SIPA1L3: variants seen among roughly 807,000 people sequenced by gnomAD.
SIPA1L3 encodes the protein signal induced proliferation associated 1 like 3.
A neutral mutation model predicts 150.1 loss-of-function variants in SIPA1L3; 59 were observed. The ratio of observed to expected loss-of-function variants is 0.39; its 90% CI spans 0.32 to 0.49. The LOEUF is 0.49. Ranked by LOEUF, SIPA1L3 falls within the 20% of genes least tolerant of loss-of-function variation. The probability of loss-of-function intolerance (pLI) is 0.86; values close to 1 mark genes in which losing one functional copy is unlikely to be tolerated. For synonymous variants in SIPA1L3, 1,070 were observed against 1,077.6 expected, an observed-to-expected ratio of 0.99 and a Z score of 0.14; for missense variants, 2,211 against 2,489.5, an observed-to-expected ratio of 0.89 and a Z score of 2.38.
At chr19:38,070,902 C>T (rs533979521) in intron 2 of SIPA1L3, among the ~76,000 whole-genome samples, 1 of 152,330 alleles carries the variant, frequency 6.6e-6, no homozygotes, top group South Asian at 2.1e-4. Context: ...CCTCCATGGC[C>T]GTGACTAGAT....
intron 14 of SIPA1L3, among the ~76,000 whole-genome samples, chr19:38,163,218 G>A (rs754272271): frequency 8.5e-5 from 13 of 152,138 alleles, no homozygotes; most frequent in African/African-American, 2.7e-4. Flanking sequence ...GGCTGGGCGC[G>A]GTGGCTCACG....
rs899632489 is a variant in SIPA1L3, at chr19:38,101,189, G to A, written c.1992G>A (p.Lys664=). 1 of 1,601,218 alleles carries A rather than the reference G, an allele frequency of 6.2e-7. No homozygotes were observed. Among genetic ancestry groups the A allele is most frequent in the African/African-American group, 1.3e-5 (1 of 74,692 alleles). The change falls in exon 6 of 22, where the codon AAG becomes AAA. Residue 664 remains lysine (K), a synonymous_variant. Transcript: ENST00000222345. The part of the protein sequence containing the change: ...LSLIGEKVCL[K]GFTKYAAQLD... ...TCATCGGCGAGAAGGTCTGCCTGAA[G>A]GGCTTCACCAAGTACGCTGCCCAGC...
intron 12 of SIPA1L3, among the ~76,000 whole-genome samples, chr19:38,144,578 C>T (rs1050949485): frequency 6.6e-6 from 1 of 152,230 alleles, no homozygotes; most frequent in Admixed American, 6.5e-5. Flanking sequence ...AGAGTCACCA[C>T]AGTCATCCAT....
rs550220479 is a variant in SIPA1L3 at position 38,203,942 on chromosome 19, C to T, written c.5121-185C>T. ...CACCCCGTCCACATCCACAGAGGTG[C>T]CCTTGGTGGGTGGAGTGTGCCGGGT... On this transcript the variant is annotated intron_variant, in intron 20 of 21. Transcript: ENST00000222345. 140 of 588,018 alleles carry T rather than the reference C, an allele frequency of 2.4e-4. 3 individuals are homozygous for T. The South Asian group carries it at 2.8e-3, about 12-fold the overall frequency. 36.4% of individuals were successfully genotyped at this position (588,018 alleles called of 1,614,324 possible). A position where few individuals can be genotyped will look rare whatever the true frequency, so the allele number is the denominator to read the frequency against.
chr19:38,010,775 C>T (rs1599900327), intron 1 of SIPA1L3, among the ~76,000 whole-genome samples: 2 of 152,150 alleles, frequency 1.3e-5, no homozygotes, highest in African/African-American at 4.8e-5. Context: ...GATGGAGCCT[C>T]ACCTCTACTG....
intron 4 of SIPA1L3, among the ~76,000 whole-genome samples, chr19:38,097,479 G>A (rs1245924427): frequency 2.0e-5 from 3 of 152,200 alleles, no homozygotes; most frequent in African/African-American, 7.2e-5. Context: ...TGTGGGTGCT[G>A]GAAATACATT....
At chr19:38,070,967 C>A (rs1969700820) in intron 2 of SIPA1L3, among the ~76,000 whole-genome samples, 1 of 152,182 alleles carries the variant, frequency 6.6e-6, no homozygotes, top group Admixed American at 6.5e-5. Flanking sequence ...CCTGAACACC[C>A]AGGGGGTCCC....
chr19:38,141,538 C>A, intron 11 of SIPA1L3, 103 bp downstream of exon 11: 1 of 1,257,372 alleles, frequency 8.0e-7, no homozygotes, highest in Non-Finnish European at 1.1e-6. Flanking sequence ...TCTTCCTCGC[C>A]TCAAGCTTTC....
chr19:37,995,166 A>G (rs1967605419), intron 1 of SIPA1L3, among the ~76,000 whole-genome samples: 1 of 152,050 alleles, frequency 6.6e-6, no homozygotes, highest in Non-Finnish European at 1.5e-5. Flanking sequence ...TTTACATTCC[A>G]TTGGCCATAA....
intron 3 of SIPA1L3, among the ~76,000 whole-genome samples, chr19:38,087,165 T>G (rs1970152134): frequency 6.6e-6 from 1 of 152,196 alleles, no homozygotes; most frequent in Non-Finnish European, 1.5e-5. Flanking sequence ...CAAAGAATCT[T>G]TGTCAAAGCT....
At chr19:38,036,534 C>A (rs1255404943) in intron 2 of SIPA1L3, among the ~76,000 whole-genome samples, 1 of 152,200 alleles carries the variant, frequency 6.6e-6, no homozygotes, top group Non-Finnish European at 1.5e-5. Flanking sequence ...AGTGCTTGGC[C>A]CATTCCCCGC....
At chr19:37,995,210 GCTGGGGCAGCACATGT>G (rs1458477837) in intron 1 of SIPA1L3, among the ~76,000 whole-genome samples, 1 of 152,172 alleles carries the variant, frequency 6.6e-6, no homozygotes, top group Non-Finnish European at 1.5e-5. Flanking sequence ...TGCAAGGGAG[GCTGGGGCAGCACATGT>G]CTGTACCGTG....
chr19:37,990,799 G>A (rs1027830279), intron 1 of SIPA1L3, among the ~76,000 whole-genome samples: 18 of 152,244 alleles, frequency 1.2e-4, no homozygotes, highest in African/African-American at 4.3e-4. Flanking sequence ...CAGCAGACAC[G>A]CTCAGTGCCA....
chr19:38,177,123 AG>A (rs1177398923), intron 15 of SIPA1L3, among the ~76,000 whole-genome samples: 2 of 152,252 alleles, frequency 1.3e-5, no homozygotes, highest in African/African-American at 4.8e-5. Context: ...GCACTTTGGG[AG>A]GCCAAGGTGG....
chr19:38,086,772 G>A (rs1244368921), intron 3 of SIPA1L3, among the ~76,000 whole-genome samples: 1 of 152,208 alleles, frequency 6.6e-6, no homozygotes, highest in Non-Finnish European at 1.5e-5. Flanking sequence ...CCACTGCAGC[G>A]GAGTCTGGCA....
intron 1 of SIPA1L3, among the ~76,000 whole-genome samples, chr19:37,943,377 ACAGCTGTTAATT>A (rs1192284909): frequency 4.6e-5 from 7 of 151,938 alleles, no homozygotes; most frequent in Admixed American, 2.6e-4. Context: ...CACTCCAACT[ACAGCTGTTAATT>A]CATGGTATTG....
chr19:37,953,537 T>C (rs2046783136), intron 1 of SIPA1L3, among the ~76,000 whole-genome samples: 1 of 152,052 alleles, frequency 6.6e-6, no homozygotes, highest in Admixed American at 6.6e-5. Flanking sequence ...TCCTCATGTG[T>C]GTGTGTGTGT....
intron 10 of SIPA1L3, 178 bp downstream of exon 10, chr19:38,130,950 T>C: frequency 1.6e-6 from 1 of 638,006 alleles, no homozygotes. Flanking sequence ...GCGCTTACTG[T>C]ATGCCAGTTA....
rs1169340957 is a variant in SIPA1L3 at position 38,085,479 on chromosome 19, CAAAAAAA to C, written c.1534+2394_1534+2400del. On this transcript the variant is annotated intron_variant, in intron 3 of 21. Transcript: ENST00000222345. ...TGGGCAACAGAGTGAGACTCCGTCT[CAAAAAAA>C]AAAAAAAAAAAAAGAAGTTCCAGAC... 5.4e-4 allele frequency among the ~76,000 whole-genome samples: 36 copies of C among 66,146 alleles called. No homozygotes were observed. The South Asian group carries it at 0.021, about 38-fold the overall frequency. 43.4% of individuals were successfully genotyped at this position (66,146 alleles called of 152,430 possible).
Sources: allele counts gnomAD v4.1 joint callset (sites outside exome capture counted in the v4.1 genomes callset), GRCh38; gene constraint gnomAD v4.1.1; transcripts MANE v1.5; gene names NCBI Gene and HGNC (gene_info 2026-07-23, HGNC 2026-07-21).